The following CACNA1F variants were observed in gnomAD, a reference collection of about 807,000 sequenced individuals.
The protein encoded by CACNA1F is voltage-dependent L-type calcium channel subunit alpha-1F.
A neutral mutation model predicts 143.8 loss-of-function variants in CACNA1F; 59 were observed. The observed-to-expected ratio is 0.41, with a 90% confidence interval of 0.33 to 0.51. The LOEUF (loss-of-function observed/expected upper bound fraction) is 0.51, where lower values mean the gene tolerates loss of function less well. CACNA1F is among the 20% of genes least tolerant of loss of function. The probability of loss-of-function intolerance (pLI) is 0.22; values close to 1 mark genes in which losing one functional copy is unlikely to be tolerated. For missense variants in CACNA1F, 1,411 were observed against 1,647.5 expected (o/e 0.86, Z 2.48); for synonymous variants, 643 against 649.1 (o/e 0.99, Z 0.14).
At position 49,230,946 on chromosome X, in the gene CACNA1F, G is replaced by A. The variant is rs1557111191; in HGVS notation, c.425C>T (p.Thr142Met). 2 of 1,191,276 alleles carry A rather than the reference G, an allele frequency of 1.7e-6. No homozygotes were observed. Among genetic ancestry groups the A allele is most frequent in the Non-Finnish European group, 2.3e-6 (2 of 882,306 alleles). Reference protein sequence around the residue: ...YVFLVIFTVETVLKIVAYGLV... With the variant: ...YVFLVIFTVEMVLKIVAYGLV... ...CCCGTAGGCCACGATCTTGAGCACC[G>A]TCTCCACAGTGAAAATCACCAGGAA... Residue 142 changes from threonine (T) to methionine (M), a missense_variant, in exon 4 of 48, where the codon ACG (threonine) becomes ATG (methionine). By Grantham distance (81) the Thr-to-Met change is moderately conservative (BLOSUM62 -1). Around this residue, in one of 3 missense-constraint regions of CACNA1F, gnomAD observed 950 missense variants for 1,128.1 expected, o/e 0.84. Coordinates refer to ENST00000323022, the MANE Select transcript of CACNA1F (RefSeq NM_001256789.3).
chrX:49,212,156 C>T, intron 34 of CACNA1F, 87 bp downstream of exon 34: 1 of 889,832 alleles, frequency 1.1e-6, no homozygotes, highest in Non-Finnish European at 1.6e-6. Context: ...GTCTGTCTAC[C>T]TGCCACCCCT....
Position 49,212,249 on chromosome X carries a change from G to A in CACNA1F, c.4002C>T (p.Gly1334=), listed in dbSNP as rs782198011. ...AMIFFIYAVI[G]MQMFGKVALQ... ...TCCTAGGGTCCCCACTTGCCTGCATGCCAATGACGGCATAGATGAAGAATA... is the reference window on the plus strand; with the variant it reads ...TCCTAGGGTCCCCACTTGCCTGCATACCAATGACGGCATAGATGAAGAATA... Residue 1334 remains glycine (G), a synonymous_variant, in exon 34 of 48, where the codon GGC becomes GGT. Coordinates refer to ENST00000323022, the MANE Select transcript of CACNA1F (RefSeq NM_001256789.3). 3 of 1,204,999 alleles carry A rather than the reference G, an allele frequency of 2.5e-6. No homozygotes were observed. Among genetic ancestry groups the A allele is most frequent in the Admixed American group, 4.4e-5 (2 of 45,973 alleles).
At position 49,230,268 on chromosome X, in the gene CACNA1F, C is replaced by G; in HGVS notation, c.769G>C (p.Glu257Gln). The G allele has an allele frequency of 8.3e-7, 1 of 1,207,062 alleles. No individual in the cohort carries two copies. The highest frequency in any genetic ancestry group is 1.1e-6 in the Non-Finnish European group (1 of 892,970). ...VIIIYAIIGLELFLGRMHKTC... is the reference protein window; with the variant it reads ...VIIIYAIIGLQLFLGRMHKTC... ...TTGTGCATTCGTCCAAGGAACAGCT[C>G]GAGCCCAATGATGGCATAAATGATG... Residue 257 changes from glutamate to glutamine, a missense_variant, in exon 6 of 48, where the codon GAG becomes CAG. Coordinates refer to ENST00000323022, the MANE Select transcript of CACNA1F (RefSeq NM_001256789.3).
chrX:49,219,028 G>T, intron 21 of CACNA1F, 87 bp from the exon 22 acceptor site: 1 of 862,295 alleles, frequency 1.2e-6, no homozygotes. Flanking sequence ...CCATCAGAAA[G>T]ATTAGGGTTC....
In CACNA1F at chrX:49,228,434, C is replaced by T; in HGVS notation, c.831G>A (p.Glu277=). 8.3e-7 allele frequency: 1 copy of T among 1,203,248 alleles called. No individual in the cohort carries two copies. The change falls in exon 7 of 48, where the codon GAG becomes GAA. Residue 277 remains glutamate (E), a synonymous_variant. Coordinates refer to ENST00000323022, the MANE Select transcript of CACNA1F (RefSeq NM_001256789.3). The part of the protein sequence containing the change: ...CYFLGSDMEA[E]EDPSPCASSG... The stretch of plus-strand genomic sequence containing the variant: ...AAGACGCACAGGGCGATGGGTCCTC[C>T]TCCGCTTCCATGTCTGCAGGAAGAC...
chrX:49,213,116 G>T, intron 31 of CACNA1F, 122 bp from the exon 32 acceptor site: 1 of 586,408 alleles, frequency 1.7e-6, no homozygotes, highest in Non-Finnish European at 2.9e-6. Context: ...ATTACACAGG[G>T]GACAATGGGA....
chrX:49,226,944 C>A lies in CACNA1F; in HGVS notation c.1276+26G>T, dbSNP rs146199637. The A allele has an allele frequency of 3.3e-6, 4 of 1,211,252 alleles. No individual in the cohort carries two copies. The East Asian group carries it at 1.2e-4, about 36-fold the overall frequency. On this transcript the variant is annotated intron_variant, in intron 9 of 47. Transcript: ENST00000323022. ...CAGATTGGAGTTGCCTACGATGGCC[C>A]GCCCGGCCCTCTTCAGCCATAGAAC...
chrX:49,226,707 A>G lies in CACNA1F; in HGVS notation c.1277-5T>C, dbSNP rs781973939. On this transcript the variant is annotated splice_region_variant and splice_polypyrimidine_tract_variant and intron_variant, in intron 9 of 47. Coordinates refer to ENST00000323022, the MANE Select transcript of CACNA1F (RefSeq NM_001256789.3). ...TCAGCTCGGCCAGCTGTGGCCCTGCAGGGAGAGAAAGGACAATTAGGGAGG... is the reference window on the plus strand; with the variant it reads ...TCAGCTCGGCCAGCTGTGGCCCTGCGGGGAGAGAAAGGACAATTAGGGAGG... 1 of 1,165,239 alleles carries G rather than the reference A, an allele frequency of 8.6e-7. No individual in the cohort carries two copies. Among genetic ancestry groups the G allele is most frequent in the Non-Finnish European group, 1.2e-6 (1 of 868,302 alleles).
At chrX:49,214,298 G>A (rs2065689032) in intron 29 of CACNA1F, 29 bp from the exon 30 acceptor site, 2 of 920,622 alleles carry the variant, frequency 2.2e-6, no homozygotes, top group African/African-American at 1.9e-5. Context: ...TTGAGATGGA[G>A]CCTGAGGCAG....
At chrX:49,224,609 C>T (rs2065805581) in intron 14 of CACNA1F, 152 bp downstream of exon 14, 1 of 506,298 alleles carries the variant, frequency 2.0e-6, no homozygotes, top group Non-Finnish European at 3.5e-6. Context: ...CTGGTGTTTC[C>T]CTAGGGCTTG....
At chrX:49,231,385 G>T in intron 2 of CACNA1F, 78 bp from the exon 3 acceptor site, 1 of 763,376 alleles carries the variant, frequency 1.3e-6, no homozygotes, top group Non-Finnish European at 2.0e-6. Context: ...CCCACCCAGT[G>T]CTGACCCTTG....
intron 14 of CACNA1F, among the ~76,000 whole-genome samples, chrX:49,224,176 A>G (rs1316046913): frequency 2.7e-5 from 3 of 109,830 alleles, no homozygotes; most frequent in African/African-American, 1.0e-4. Flanking sequence ...GGGATAGAGG[A>G]GGGGATGGGA....
intron 18 of CACNA1F, among the ~76,000 whole-genome samples, 173 bp downstream of exon 18, chrX:49,220,862 C>T (rs181608268): frequency 8.9e-6 from 1 of 112,452 alleles, no homozygotes; most frequent in East Asian, 2.8e-4. Flanking sequence ...TCTCTTGGAC[C>T]CAGGAGGCAG....
chrX:49,209,644 G>T lies in CACNA1F; in HGVS notation c.4806C>A (p.Thr1602=), dbSNP rs782254932. 8.3e-7 allele frequency: 1 copy of T among 1,211,258 alleles called. No homozygotes were observed. Among genetic ancestry groups the T allele is most frequent in the East Asian group, 3.0e-5 (1 of 33,839 alleles). ...CCCCGAAGACCTGAAGGGCGGAAGA[G>T]GTGCTAGGGGCGGCGTCGTTGCCTA... is the stretch of plus-strand genomic sequence containing the variant. ...GLLGNDAAPS[T]SSALQAGLRS... The change falls in exon 41 of 48, where the codon ACC becomes ACA. Residue 1602 remains threonine, a synonymous_variant. Coordinates refer to ENST00000323022, the MANE Select transcript of CACNA1F (RefSeq NM_001256789.3).
intron 43 of CACNA1F, 84 bp downstream of exon 43, chrX:49,208,431 C>CCAAAA: frequency 1.6e-6 from 1 of 611,298 alleles, no homozygotes; most frequent in Non-Finnish European, 2.6e-6. Context: ...CCACCCCCCT[C>CCAAAA]AACTTCCTGC....
intron 17 of CACNA1F, among the ~76,000 whole-genome samples, chrX:49,222,017 G>A (rs2065779716): frequency 9.3e-6 from 1 of 107,771 alleles, no homozygotes; most frequent in Non-Finnish European, 1.9e-5. Flanking sequence ...GAACATTAGC[G>A]CCCCAGAAGC....
chrX:49,222,000 G>A (rs1436907571), intron 17 of CACNA1F, among the ~76,000 whole-genome samples: 1 of 106,147 alleles, frequency 9.4e-6, no homozygotes, highest in Non-Finnish European at 1.9e-5. Flanking sequence ...AAAAAAAAAA[G>A]TGCTAAGAAC....
In CACNA1F at chrX:49,221,916, G is replaced by A. The variant is rs180878919; in HGVS notation, c.2288+606C>T. ...GAGAATTGCTTGAACCTGGGTGGCG[G>A]AGGTTGCAGTGAGCTGAGATAGCAC... is the stretch of plus-strand genomic sequence containing the variant. On this transcript the variant is annotated intron_variant, in intron 17 of 47. Transcript: ENST00000323022. 3.4e-3 allele frequency among the ~76,000 whole-genome samples: 377 copies of A among 109,336 alleles called. 4 individuals are homozygous for A. Among genetic ancestry groups the A allele is most frequent in the African/African-American group, 0.012 (358 of 30,083 alleles). 94.9% of individuals were successfully genotyped at this position (109,336 alleles called of 115,157 possible).
chrX:49,222,439 A>G (rs1335884491), intron 17 of CACNA1F, 83 bp downstream of exon 17: 2 of 742,252 alleles, frequency 2.7e-6, no homozygotes, highest in Admixed American at 5.1e-5. Context: ...GACTAGAGGC[A>G]TCTCTGGTGG....
Sources: gnomAD v4.1 joint callset for allele counts (sites outside exome capture counted in the v4.1 genomes callset) on GRCh38, gnomAD v4.1.1 for gene constraint, gnomAD v4.1.1 regional missense constraint, MANE v1.5 for transcripts, NCBI Gene and HGNC (gene_info 2026-07-23, HGNC 2026-07-21) for gene names.